DYSF: variants seen among roughly 807,000 people sequenced by gnomAD.
DYSF encodes dystrophy-associated fer-1-like 1.
DYSF carries 212 observed loss-of-function variants against 274.9 expected under a neutral mutation model. The ratio of observed to expected loss-of-function variants is 0.77; its 90% CI spans 0.69 to 0.86. DYSF has a LOEUF of 0.86. Among genes scored for constraint, DYSF ranks in the 40% least tolerant of loss-of-function variants. DYSF has a pLI of 0.00. For missense variants in DYSF, 2,666 were observed against 2,783.2 expected, an observed-to-expected ratio of 0.96 and a Z score of 0.95; for synonymous variants, 1,091 against 1,078.7, an observed-to-expected ratio of 1.01 and a Z score of -0.22.
intron 16 of DYSF, 119 bp from the exon 17 acceptor site, chr2:71,539,038 C>A (rs549526928): frequency 1.2e-6 from 1 of 826,120 alleles, no homozygotes; most frequent in Admixed American, 1.8e-5. Flanking sequence ...AGACCAGAAG[C>A]GCTCTCTGCC....
At chr2:71,469,754 TATTA>T (rs1558933277) in intron 1 of DYSF, among the ~76,000 whole-genome samples, 1 of 152,246 alleles carries the variant, frequency 6.6e-6, no homozygotes, top group African/African-American at 2.4e-5. Context: ...TTTGTTTTTC[TATTA>T]ATTAATTCAT....
Position 71,535,032 on chromosome 2 carries a change from G to C in DYSF, c.1392G>C (p.Lys464Asn), listed in dbSNP as rs1254980582. The change falls in exon 15 of 56, where the codon AAG becomes AAC. Residue 464 changes from lysine to asparagine, a missense_variant. By Grantham distance (94) the Lys-to-Asn change is moderately conservative (BLOSUM62 0). This residue lies in a region of DYSF where 794 missense variants were observed against 777.1 expected (regional missense o/e 1.02). Transcript: ENST00000410020. ...CCTGTGTCTTCTAGCTGTGCAGCAA[G>C]ATCTTGGAGAAGACGGCCAACCCTC... ...VSFAGKMLCS[K>N]ILEKTANPQW... The C allele has an allele frequency of 6.2e-7, 1 of 1,614,218 alleles. No homozygotes were observed. Among genetic ancestry groups the C allele is most frequent in the Non-Finnish European group, 8.5e-7 (1 of 1,180,038 alleles).
chr2:71,567,479 C>CT (rs2152810356), intron 24 of DYSF, among the ~76,000 whole-genome samples: 1 of 152,336 alleles, frequency 6.6e-6, no homozygotes, highest in East Asian at 1.9e-4. Context: ...GAAACGAAAA[C>CT]TTTATCTCCG....
intron 2 of DYSF, 99 bp from the exon 3 acceptor site, chr2:71,481,780 A>G: frequency 1.1e-6 from 1 of 879,834 alleles, no homozygotes; most frequent in Non-Finnish European, 1.9e-6. Context: ...ATCATTCATG[A>G]ATGCCTACTC....
intron 40 of DYSF, among the ~76,000 whole-genome samples, chr2:71,613,684 G>A (rs1230181572): frequency 6.6e-6 from 1 of 151,852 alleles, no homozygotes; most frequent in Non-Finnish European, 1.5e-5. Context: ...CCATGGTGAG[G>A]GCTTTCTCCT....
At chr2:71,515,999 G>A (rs912329013) in intron 8 of DYSF, among the ~76,000 whole-genome samples, 181 bp from the exon 9 acceptor site, 1 of 152,112 alleles carries the variant, frequency 6.6e-6, no homozygotes, top group African/African-American at 2.4e-5. Flanking sequence ...AAATGACCAC[G>A]TCTGTGAGGC....
In DYSF at chr2:71,513,739, G is replaced by A. The variant is rs763104746; in HGVS notation, c.577G>A (p.Glu193Lys). The change falls in exon 7 of 56, where the codon GAG becomes AAG. Residue 193 changes from glutamate (E) to lysine (K), a missense_variant. Physicochemically the swap from Glu to Lys is moderately conservative, Grantham distance 56. Around this residue, in one of 3 missense-constraint regions of DYSF, gnomAD observed 794 missense variants for 777.1 expected, o/e 1.02. Coordinates refer to ENST00000410020, the MANE Select transcript of DYSF (RefSeq NM_001130987.2). ...AGACACAGGAGGAGAGGAAGACACAGAGGACCAGGGACTCACTGGAGATGA... is the reference window on the plus strand; with the variant it reads ...AGACACAGGAGGAGAGGAAGACACAAAGGACCAGGGACTCACTGGAGATGA... ...PTDTGGEEDT[E>K]DQGLTGDEAE... 3.0e-5 allele frequency: 48 copies of A among 1,614,120 alleles called. No homozygotes were observed. The highest frequency in any genetic ancestry group is 3.9e-5 in the Non-Finnish European group (46 of 1,180,002).
intron 14 of DYSF, among the ~76,000 whole-genome samples, chr2:71,532,008 G>A (rs1399766615): frequency 6.6e-6 from 1 of 152,154 alleles, no homozygotes; most frequent in African/African-American, 2.4e-5. Context: ...CAGGGTTCAT[G>A]GTGACCTTAT....
intron 55 of DYSF, among the ~76,000 whole-genome samples, chr2:71,685,232 TCCTGTCCCCCCAGCA>T (rs2095342555): frequency 6.6e-6 from 1 of 152,280 alleles, no homozygotes; most frequent in South Asian, 2.1e-4. Flanking sequence ...CCTCCCTGTC[TCCTGTCCCCCCAGCA>T]GCGGGCCACT....
At chr2:71,467,034 A>G in intron 1 of DYSF, 101 bp downstream of exon 1, 1 of 1,458,130 alleles carries the variant, frequency 6.9e-7, no homozygotes, top group South Asian at 1.3e-5. Context: ...ACCCTAGTCC[A>G]GGCCACAGTT....
At chr2:71,618,892 G>A (rs2094018651) in intron 40 of DYSF, among the ~76,000 whole-genome samples, 1 of 151,714 alleles carries the variant, frequency 6.6e-6, no homozygotes, top group South Asian at 2.1e-4. Flanking sequence ...GGGGCTGGCC[G>A]GCTCTGGGAC....
rs190557937 is a variant in DYSF, at chr2:71,561,726, G to C, written c.2217-26G>C. 1.7e-5 allele frequency: 27 copies of C among 1,613,818 alleles called. No individual in the cohort carries two copies. The South Asian group carries it at 3.0e-4, about 18-fold the overall frequency. ...TGGGAGAGCCCTGGGCTCATCAGGCGCATTCCATCTGTCCGTCCCTCACAG... is the reference window on the plus strand; with the variant it reads ...TGGGAGAGCCCTGGGCTCATCAGGCCCATTCCATCTGTCCGTCCCTCACAG... On this transcript the variant is annotated intron_variant, in intron 22 of 55. Transcript: ENST00000410020.
At chr2:71,510,275 C>T (rs1175979535) in intron 4 of DYSF, among the ~76,000 whole-genome samples, 1 of 152,208 alleles carries the variant, frequency 6.6e-6, no homozygotes, top group Admixed American at 6.5e-5. Flanking sequence ...CAGGCCCACC[C>T]TAGACCTACT....
intron 39 of DYSF, 36 bp from the exon 40 acceptor site, chr2:71,613,298 G>C (rs754855437): frequency 6.3e-7 from 1 of 1,589,744 alleles, no homozygotes; most frequent in South Asian, 1.1e-5. Flanking sequence ...TTTTGAGAGA[G>C]CCCCTCTCAG....
chr2:71,512,921 C>T (rs1163797898), intron 5 of DYSF, among the ~76,000 whole-genome samples: 1 of 152,048 alleles, frequency 6.6e-6, no homozygotes, highest in Non-Finnish European at 1.5e-5. Context: ...AGCTGTGTGG[C>T]TGGAGTGGGC....
chr2:71,559,181 A>G (rs1044515854), intron 22 of DYSF, among the ~76,000 whole-genome samples: 1 of 152,064 alleles, frequency 6.6e-6, no homozygotes, highest in Non-Finnish European at 1.5e-5. Flanking sequence ...TATGAACCCA[A>G]GGTGCTGGAC....
At chr2:71,566,577 G>A (rs184545350) in intron 24 of DYSF, among the ~76,000 whole-genome samples, 1 of 151,898 alleles carries the variant, frequency 6.6e-6, no homozygotes, top group African/African-American at 2.4e-5. Flanking sequence ...TTTATTTGCT[G>A]TTGCTATTTT....
rs572715597 is a variant in DYSF, at chr2:71,475,691, A to G, written c.92-5192A>G. On this transcript the variant is annotated intron_variant, in intron 1 of 55. Transcript: ENST00000410020. ...AGGCACCTCAACGTTCTATCTCGGT[A>G]ATTTTCACAGCAACCCCTTGTAAGG... 7.2e-5 allele frequency among the ~76,000 whole-genome samples: 11 copies of G among 152,324 alleles called. 1 individual carries two copies. In the South Asian group the frequency reaches 2.3e-3, roughly 32 times the overall value.
chr2:71,508,327 T>C (rs1203204877), intron 4 of DYSF, among the ~76,000 whole-genome samples: 5 of 152,142 alleles, frequency 3.3e-5, no homozygotes, highest in Non-Finnish European at 7.4e-5. Flanking sequence ...ACGATGAAAT[T>C]AACATGGACA....
Sources: allele counts gnomAD v4.1 joint callset (sites outside exome capture counted in the v4.1 genomes callset), GRCh38; gene constraint gnomAD v4.1.1; regional missense constraint gnomAD v4.1.1; transcripts MANE v1.5; gene names NCBI Gene and HGNC (gene_info 2026-07-23, HGNC 2026-07-21).